Variants in SNTG1 observed in about 807,000 individuals in gnomAD.
The protein encoded by SNTG1 is gamma-1-syntrophin.
A neutral mutation model predicts 74.7 loss-of-function variants in SNTG1; 39 were observed. That is an observed-to-expected ratio of 0.52 (90% confidence interval 0.40 to 0.68). The LOEUF (loss-of-function observed/expected upper bound fraction) is 0.68, where lower values mean the gene tolerates loss of function less well. Among genes scored for constraint, SNTG1 ranks in the 30% least tolerant of loss-of-function variants. SNTG1 has a pLI of 0.00. For synonymous variants in SNTG1, 254 were observed against 217.1 expected, an observed-to-expected ratio of 1.17 and a Z score of -1.49; for missense variants, 685 against 609.5, an observed-to-expected ratio of 1.12 and a Z score of -1.30.
In SNTG1 at chr8:50,184,801, A is replaced by C. The variant is rs1286012254; in HGVS notation, c.-28+12166A>C. Among the ~76,000 whole-genome samples the C allele has an allele frequency of 2.0e-5, 3 of 152,174 alleles. No homozygotes were observed. In the South Asian group the frequency reaches 6.2e-4, roughly 31 times the overall value. Reference sequence around the variant, plus strand: ...CAAATGTAAAAACATAAGGATTGGTATATTTTTGAGGAAAAAAAATTAAAA... The same window carrying C: ...CAAATGTAAAAACATAAGGATTGGTCTATTTTTGAGGAAAAAAAATTAAAA... On this transcript the variant is annotated intron_variant, in intron 2 of 18. Transcript: ENST00000642720.
intron 2 of SNTG1, among the ~76,000 whole-genome samples, chr8:50,353,129 A>G (rs2091715583): frequency 6.6e-6 from 1 of 152,070 alleles, no homozygotes; most frequent in African/African-American, 2.4e-5. Flanking sequence ...GCTGGAAACC[A>G]TCATTCTGAG....
At chr8:50,744,774 G>T (rs951136048) in intron 17 of SNTG1, among the ~76,000 whole-genome samples, 4 of 151,882 alleles carry the variant, frequency 2.6e-5, no homozygotes, top group East Asian at 1.9e-4. Flanking sequence ...TTCAACAAGG[G>T]TGCCAAGACC....
intron 1 of SNTG1, among the ~76,000 whole-genome samples, chr8:49,968,543 A>C (rs1811358525): frequency 6.6e-6 from 1 of 152,218 alleles, no homozygotes; most frequent in African/African-American, 2.4e-5. Context: ...GATAAGGGCA[A>C]GAACTTGTAA....
At chr8:50,767,010 T>A (rs1322059480) in intron 18 of SNTG1, among the ~76,000 whole-genome samples, 4 of 151,870 alleles carry the variant, frequency 2.6e-5, no homozygotes, top group Admixed American at 1.3e-4. Context: ...GAAATATGGG[T>A]CTGAAAATGT....
intron 1 of SNTG1, among the ~76,000 whole-genome samples, chr8:49,977,074 T>C (rs568889059): frequency 7.9e-5 from 12 of 152,192 alleles, no homozygotes; most frequent in Middle Eastern, 3.4e-3. Context: ...TCATTGCAAC[T>C]CAATTCAAAG....
At chr8:50,504,563 C>T (rs751067679) in intron 9 of SNTG1, among the ~76,000 whole-genome samples, 1 of 151,922 alleles carries the variant, frequency 6.6e-6, no homozygotes, top group Admixed American at 6.6e-5. Flanking sequence ...AGGCTGAGGC[C>T]GGCAGATCAC....
chr8:50,181,884 C>T (rs944291230), intron 2 of SNTG1, among the ~76,000 whole-genome samples: 3 of 151,950 alleles, frequency 2.0e-5, no homozygotes, highest in African/African-American at 7.3e-5. Context: ...GATTTTCCTC[C>T]AGTATGAAAG....
intron 18 of SNTG1, among the ~76,000 whole-genome samples, chr8:50,761,183 T>C (rs2095597739): frequency 6.6e-6 from 1 of 151,988 alleles, no homozygotes; most frequent in South Asian, 2.1e-4. Flanking sequence ...CACGATCAAG[T>C]TGGCTTTATC....
At chr8:50,106,939 C>A (rs186617492) in intron 1 of SNTG1, among the ~76,000 whole-genome samples, 1 of 152,182 alleles carries the variant, frequency 6.6e-6, no homozygotes, top group East Asian at 1.9e-4. Flanking sequence ...TGGAGACAAA[C>A]AGAGCTGATT....
chr8:50,747,100 G>A (rs1455938585), intron 17 of SNTG1, among the ~76,000 whole-genome samples: 1 of 151,588 alleles, frequency 6.6e-6, no homozygotes, highest in Non-Finnish European at 1.5e-5. Flanking sequence ...TTCTGATCTA[G>A]TAAGAAATGA....
At chr8:50,419,641 C>G (rs1024988306) in intron 4 of SNTG1, among the ~76,000 whole-genome samples, 1 of 152,070 alleles carries the variant, frequency 6.6e-6, no homozygotes, top group Non-Finnish European at 1.5e-5. Flanking sequence ...TAGTAGGGAG[C>G]TAAAATTCCC....
chr8:50,162,739 C>A (rs78979272), intron 1 of SNTG1, among the ~76,000 whole-genome samples: 1 of 152,004 alleles, frequency 6.6e-6, no homozygotes, highest in African/African-American at 2.4e-5. Context: ...GTCCTCTGTC[C>A]TGATTGACAT....
In SNTG1 at chr8:50,153,160, T is replaced by C. The variant is rs375283589; in HGVS notation, c.-102-19401T>C. 5.9e-5 allele frequency among the ~76,000 whole-genome samples: 9 copies of C among 152,318 alleles called. No individual in the cohort carries two copies. The South Asian group carries it at 8.3e-4, about 14-fold the overall frequency. ...CTCACTTCATTTTATTCATTCGATC[T>C]TCAATCACTGATACCCTTTCTTCCA... On this transcript the variant is annotated intron_variant, in intron 1 of 18. Transcript: ENST00000642720.
In SNTG1 at chr8:50,032,975, T is replaced by G. The variant is rs1817856959; in HGVS notation, c.-103+120744T>G. Among the ~76,000 whole-genome samples, 3 of 152,110 alleles carry G rather than the reference T, an allele frequency of 2.0e-5. No individual in the cohort carries two copies. The South Asian group carries it at 6.2e-4, about 32-fold the overall frequency. On this transcript the variant is annotated intron_variant, in intron 1 of 18. Transcript: ENST00000642720. ...AGATAACTACTCAAAATTTCCTACA[T>G]AGACATTTTATTGGACCTCATTTTC...
At chr8:50,463,421 T>A (rs1157301330) in intron 8 of SNTG1, among the ~76,000 whole-genome samples, 1 of 152,162 alleles carries the variant, frequency 6.6e-6, no homozygotes, top group African/African-American at 2.4e-5. Flanking sequence ...AAAGTTGAAA[T>A]TACTCCTTGA....
intron 2 of SNTG1, among the ~76,000 whole-genome samples, chr8:50,271,054 A>C (rs2087751204): frequency 1.3e-5 from 2 of 152,218 alleles, no homozygotes; most frequent in African/African-American, 4.8e-5. Flanking sequence ...AGAACATGAG[A>C]TACTCTGTAC....
At chr8:50,113,921 C>CAAATAAAT (rs3086086) in intron 1 of SNTG1, among the ~76,000 whole-genome samples, 34 of 149,444 alleles carry the variant, frequency 2.3e-4, no homozygotes, top group Middle Eastern at 7.0e-3. Flanking sequence ...TAAAAATATA[C>CAAATAAAT]AAATAAATAA....
chr8:50,338,537 A>C (rs900090971), intron 2 of SNTG1, among the ~76,000 whole-genome samples: 2 of 152,248 alleles, frequency 1.3e-5, no homozygotes, highest in Non-Finnish European at 2.9e-5. Context: ...AGTTGACAGC[A>C]TGCAAGAAAA....
intron 9 of SNTG1, among the ~76,000 whole-genome samples, chr8:50,503,509 C>A (rs1182988887): frequency 6.6e-6 from 1 of 152,170 alleles, no homozygotes; most frequent in Non-Finnish European, 1.5e-5. Context: ...CCACTTCTTA[C>A]AATCATAAAA....
Sources: gnomAD v4.1 joint callset for allele counts (sites outside exome capture counted in the v4.1 genomes callset) on GRCh38, gnomAD v4.1.1 for gene constraint, MANE v1.5 for transcripts, NCBI Gene and HGNC (gene_info 2026-07-23, HGNC 2026-07-21) for gene names.